PDSS1: variants seen among roughly 807,000 people sequenced by gnomAD.
PDSS1 encodes all trans-polyprenyl-diphosphate synthase PDSS1.
PDSS1 carries 43 observed loss-of-function variants against 57.5 expected under a neutral mutation model. The observed-to-expected ratio is 0.75, with a 90% CI of 0.59 to 0.96. The LOEUF (loss-of-function observed/expected upper bound fraction) is 0.96. Among genes scored for constraint, PDSS1 ranks in the 50% least tolerant of loss-of-function variants. The pLI, the probability that PDSS1 is intolerant of heterozygous loss-of-function variation, is 0.00. For synonymous variants in PDSS1, 175 were observed against 191.3 expected (o/e 0.91, Z 0.70); for missense variants, 438 against 527.8 (o/e 0.83, Z 1.67).
intron 11 of PDSS1, among the ~76,000 whole-genome samples, chr10:26,744,125 C>A (rs771578988): frequency 2.0e-5 from 3 of 152,096 alleles, no homozygotes; most frequent in Non-Finnish European, 4.4e-5. Flanking sequence ...CTACAAGGAC[C>A]AGTACCATCA....
intron 4 of PDSS1, among the ~76,000 whole-genome samples, chr10:26,707,171 T>G (rs939121348): frequency 6.6e-6 from 1 of 152,170 alleles, no homozygotes; most frequent in African/African-American, 2.4e-5. Context: ...ACCGGAGTTT[T>G]GCGCATGCTC....
chr10:26,706,902 G>T (rs200882848), intron 4 of PDSS1, among the ~76,000 whole-genome samples: 1 of 152,180 alleles, frequency 6.6e-6, no homozygotes, highest in East Asian at 1.9e-4. Flanking sequence ...AAGGAGAGAC[G>T]GAGGCAAGTT....
Position 26,746,417 on chromosome 10 carries a change from C to T in PDSS1, c.1192C>T (p.Pro398Ser), listed in dbSNP as rs763649433. The T allele has an allele frequency of 6.2e-7, 1 of 1,613,990 alleles. No homozygotes were observed. The highest frequency in any genetic ancestry group is 8.5e-7 in the Non-Finnish European group (1 of 1,179,898). ...IREISKLRPS[P>S]ERDALIQLSE... Reference sequence around the variant, plus strand: ...AGAGATCAGTAAACTTCGACCATCCCCAGAAAGAGATGCCCTCATTCAGCT... The same window carrying T: ...AGAGATCAGTAAACTTCGACCATCCTCAGAAAGAGATGCCCTCATTCAGCT... Residue 398 changes from proline (P) to serine (S), a missense_variant, in exon 12 of 12, where the codon CCA becomes TCA. By Grantham distance (74) the Pro-to-Ser change is moderately conservative. Coordinates refer to ENST00000376215, the MANE Select transcript of PDSS1 (RefSeq NM_014317.5).
intron 6 of PDSS1, among the ~76,000 whole-genome samples, chr10:26,721,423 T>TATATAC (rs10645608): frequency 2.0e-5 from 3 of 149,268 alleles, no homozygotes; most frequent in African/African-American, 7.4e-5. Flanking sequence ...GATATATGTA[T>TATATAC]ACACACACAC....
chr10:26,716,467 G>A (rs1835584810), intron 5 of PDSS1, among the ~76,000 whole-genome samples: 1 of 152,138 alleles, frequency 6.6e-6, no homozygotes, highest in African/African-American at 2.4e-5. Context: ...CAAGGCAGGT[G>A]GATCATGTGA....
chr10:26,742,578 G>A lies in PDSS1; in HGVS notation c.1107+1G>A. 1 of 1,589,936 alleles carries A rather than the reference G, an allele frequency of 6.3e-7. No individual in the cohort carries two copies. The highest frequency in any genetic ancestry group is 8.6e-7 in the Non-Finnish European group (1 of 1,158,772). On this transcript the variant is annotated splice_donor_variant, in intron 11 of 11. Coordinates refer to ENST00000376215, the MANE Select transcript of PDSS1 (RefSeq NM_014317.5). LOFTEE classifies it high-confidence loss of function. Reference sequence around the variant, plus strand: ...CAGAGCTCGACAGTATGTACTACAGGTAAGACTGTTTTTTTAAAAAAAAGG... The same window carrying A: ...CAGAGCTCGACAGTATGTACTACAGATAAGACTGTTTTTTTAAAAAAAAGG...
At chr10:26,728,290 G>T (rs1484424647) in intron 8 of PDSS1, among the ~76,000 whole-genome samples, 1 of 152,186 alleles carries the variant, frequency 6.6e-6, no homozygotes, top group Non-Finnish European at 1.5e-5. Flanking sequence ...TCAAGAGTTT[G>T]ACAAGCGTGG....
intron 8 of PDSS1, among the ~76,000 whole-genome samples, chr10:26,732,595 CATGT>C (rs1836251400): frequency 6.6e-6 from 1 of 152,184 alleles, no homozygotes; most frequent in Non-Finnish European, 1.5e-5. Flanking sequence ...GTGTTGGAGC[CATGT>C]AATGCCTGGT....
At chr10:26,710,155 A>T (rs72797952) in intron 5 of PDSS1, among the ~76,000 whole-genome samples, 29,564 of 87,816 alleles carry the variant, frequency 0.34, 11,584 homozygotes, top group East Asian at 0.95. Flanking sequence ...CTCTTGTCTT[A>T]AAAAAAAAAA....
At position 26,697,749 on chromosome 10, in the gene PDSS1, C is replaced by T; in HGVS notation, c.38C>T (p.Ser13Phe). 7.7e-7 allele frequency: 1 copy of T among 1,294,470 alleles called. No homozygotes were observed. The highest frequency in any genetic ancestry group is 3.2e-5 in the East Asian group (1 of 31,696). 80.2% of individuals were successfully genotyped at this position (1,294,470 alleles called of 1,614,324 possible). A position where few individuals can be genotyped will look rare whatever the true frequency, so the allele number is the denominator to read the frequency against. ...SRWWRWRRGC[S>F]WKPAARSPGP... ...TGGTGGCGGTGGCGGCGCGGCTGCTCCTGGAAGCCGGCGGCGCGGAGCCCC... is the reference window on the plus strand; with the variant it reads ...TGGTGGCGGTGGCGGCGCGGCTGCTTCTGGAAGCCGGCGGCGCGGAGCCCC... The change falls in exon 1 of 12, where the codon TCC (serine) becomes TTC (phenylalanine). Residue 13 changes from serine (S) to phenylalanine (F), a missense_variant. Physicochemically the swap from Ser to Phe is radical, Grantham distance 155. Coordinates refer to ENST00000376215, the MANE Select transcript of PDSS1 (RefSeq NM_014317.5).
At chr10:26,698,418 G>T (rs893917974) in intron 1 of PDSS1, among the ~76,000 whole-genome samples, 1 of 152,192 alleles carries the variant, frequency 6.6e-6, no homozygotes, top group African/African-American at 2.4e-5. Context: ...GAATGACACT[G>T]GAAGGAGAAA....
intron 8 of PDSS1, among the ~76,000 whole-genome samples, chr10:26,733,518 T>A (rs918525908): frequency 3.3e-5 from 5 of 152,144 alleles, no homozygotes; most frequent in African/African-American, 1.2e-4. Context: ...ACCATGTACT[T>A]ATGGCCAAGC....
intron 11 of PDSS1, among the ~76,000 whole-genome samples, 171 bp from the exon 12 acceptor site, chr10:26,746,162 A>AAGTT (rs1836883028): frequency 1.3e-5 from 2 of 152,240 alleles, no homozygotes; most frequent in Admixed American, 1.3e-4. Context: ...GGCCTAAAGG[A>AAGTT]AGTTAGCACT....
intron 8 of PDSS1, among the ~76,000 whole-genome samples, chr10:26,728,662 C>T (rs147803608): frequency 2.5e-3 from 387 of 151,872 alleles, no homozygotes; most frequent in African/African-American, 8.8e-3. Flanking sequence ...AAGTTGGTAT[C>T]CTATTTTTTT....
Position 26,710,251 on chromosome 10 carries a change from CT to C in PDSS1, c.467+495del, listed in dbSNP as rs771371336. ...GTCACTCAGGAATCTAGTCTGGCATCTTTTTTTTTTTTGAGACGGAGTCTTG... is the reference window on the plus strand; with the variant it reads ...GTCACTCAGGAATCTAGTCTGGCATCTTTTTTTTTTTGAGACGGAGTCTTG... On this transcript the variant is annotated intron_variant, in intron 5 of 11. Coordinates refer to ENST00000376215, the MANE Select transcript of PDSS1 (RefSeq NM_014317.5). Among the ~76,000 whole-genome samples, 68 of 82,704 alleles carry C rather than the reference CT, an allele frequency of 8.2e-4. 4 individuals carry two copies. The highest frequency in any genetic ancestry group is 7.3e-4 in the African/African-American group (19 of 25,892). The allele number at this position is 82,704 out of a possible 152,430, so 54.3% of individuals were successfully genotyped here. A position where few individuals can be genotyped will look rare whatever the true frequency, so the allele number is the denominator to read the frequency against.
chr10:26,722,185 G>A (rs903410251), intron 6 of PDSS1, among the ~76,000 whole-genome samples: 5 of 152,074 alleles, frequency 3.3e-5, no homozygotes, highest in Admixed American at 1.3e-4. Flanking sequence ...GCTGGGTCGG[G>A]GAATGTAAGT....
chr10:26,709,568 A>G, intron 4 of PDSS1, 70 bp from the exon 5 acceptor site: 1 of 1,542,932 alleles, frequency 6.5e-7, no homozygotes, highest in East Asian at 2.3e-5. Context: ...TCTCAAAAAA[A>G]AAAAGAAATC....
At chr10:26,703,014 ATAG>A (rs1835094773) in intron 2 of PDSS1, among the ~76,000 whole-genome samples, 2 of 152,210 alleles carry the variant, frequency 1.3e-5, no homozygotes, top group South Asian at 4.1e-4. Context: ...AAAGCAGAAA[ATAG>A]TAGCTTGATT....
intron 5 of PDSS1, among the ~76,000 whole-genome samples, chr10:26,713,684 G>A (rs892507732): frequency 1.3e-5 from 2 of 151,994 alleles, no homozygotes; most frequent in African/African-American, 4.8e-5. Flanking sequence ...TGTCTGGGTA[G>A]AGAAAGTAGG....
Sources: gnomAD v4.1 joint callset for allele counts (sites outside exome capture counted in the v4.1 genomes callset) on GRCh38, gnomAD v4.1.1 for gene constraint, MANE v1.5 for transcripts, NCBI Gene and HGNC (gene_info 2026-07-23, HGNC 2026-07-21) for gene names.